The following MIER2 variants were observed in gnomAD, a reference collection of about 807,000 sequenced individuals.
MIER2 encodes the protein mesoderm induction early response protein 2.
In MIER2, 30 loss-of-function variants were observed where a neutral mutation model predicts 67.6. That is an observed-to-expected ratio of 0.44 (90% confidence interval 0.33 to 0.60). The LOEUF is 0.60. Ranked by LOEUF, MIER2 falls within the 20% of genes least tolerant of loss-of-function variation. MIER2 has a pLI of 0.02. For missense variants in MIER2, 702 were observed against 745.1 expected, an observed-to-expected ratio of 0.94 and a Z score of 0.67; for synonymous variants, 372 against 312.6, an observed-to-expected ratio of 1.19 and a Z score of -2.00.
Position 326,549 on chromosome 19 carries a change from G to A in MIER2, c.543C>T (p.Ser181=), listed in dbSNP as rs1045141437. 6.2e-6 allele frequency: 10 copies of A among 1,614,082 alleles called. No individual in the cohort carries two copies. The highest frequency in any genetic ancestry group is 1.6e-4 in the Middle Eastern group (1 of 6,062). ...CAGGAAGAGAGTCCTCCTCGGTGTC[G>A]GAGGAGGCAGAAGAGCCAGGCTCTC... ...EDREPGSSAS[S]DTEEDSLPAN... is the part of the protein sequence containing the mutation. Residue 181 remains serine (S), a synonymous_variant, in exon 6 of 14, where the codon TCC becomes TCT. Coordinates refer to ENST00000264819, the MANE Select transcript of MIER2 (RefSeq NM_017550.3).
intron 12 of MIER2, 90 bp from the exon 13 acceptor site, chr19:307,626 G>C: frequency 7.6e-7 from 1 of 1,323,638 alleles, no homozygotes; most frequent in Non-Finnish European, 9.9e-7. Context: ...GTCCAGCAAA[G>C]CCTGTGGATC....
chr19:336,054 C>G (rs755209159), intron 2 of MIER2, 29 bp downstream of exon 2: 9 of 1,605,984 alleles, frequency 5.6e-6, no homozygotes, highest in South Asian at 1.1e-5. Context: ...CTTGGCGGAC[C>G]TGAGCAGGGG....
intron 1 of MIER2, among the ~76,000 whole-genome samples, chr19:340,287 G>A (rs1021254791): frequency 1.6e-4 from 25 of 152,292 alleles, no homozygotes; most frequent in South Asian, 2.1e-4. Context: ...CTTGAACAAC[G>A]CAGGGGTTAC....
At chr19:311,451 G>A (rs1250154838) in intron 10 of MIER2, among the ~76,000 whole-genome samples, 1 of 152,190 alleles carries the variant, frequency 6.6e-6, no homozygotes, top group Non-Finnish European at 1.5e-5. Context: ...CCCTGGAGGA[G>A]GGAACCAGGA....
In MIER2 at chr19:334,166, A is replaced by C. The variant is rs537099256; in HGVS notation, c.243+234T>G. The C allele has an allele frequency of 2.1e-5, 11 of 512,456 alleles. No homozygotes were observed. In the African/African-American group the frequency reaches 2.2e-4, roughly 10 times the overall value. 31.7% of individuals were successfully genotyped at this position (512,456 alleles called of 1,614,324 possible). A position where few individuals can be genotyped will look rare whatever the true frequency, so the allele number is the denominator to read the frequency against. On this transcript the variant is annotated intron_variant, in intron 3 of 13. Transcript: ENST00000264819. ...TTTTAAGAGTACAAAGCAGGTTCTGAGACCAGAAGATTTGAGAGCAGCTGG... is the reference window on the plus strand; with the variant it reads ...TTTTAAGAGTACAAAGCAGGTTCTGCGACCAGAAGATTTGAGAGCAGCTGG...
intron 1 of MIER2, among the ~76,000 whole-genome samples, chr19:342,317 G>C (rs1307284711): frequency 6.6e-6 from 1 of 152,144 alleles, no homozygotes; most frequent in Non-Finnish European, 1.5e-5. Context: ...AAGTGGACAT[G>C]TATGGTACCG....
intron 7 of MIER2, among the ~76,000 whole-genome samples, chr19:320,496 T>C (rs932605250): frequency 4.6e-5 from 7 of 152,316 alleles, no homozygotes; most frequent in East Asian, 1.9e-4. Context: ...AAATGTGTCA[T>C]TGCAGGGGTT....
At chr19:344,631 G>A (rs1318509224) in intron 1 of MIER2, 143 bp downstream of exon 1, 23 of 439,988 alleles carry the variant, frequency 5.2e-5, no homozygotes, top group Non-Finnish European at 6.8e-5. Flanking sequence ...CTCCGGCCCC[G>A]GACGGGCCAG....
intron 1 of MIER2, among the ~76,000 whole-genome samples, chr19:339,091 A>AC (rs1972388176): frequency 6.6e-6 from 1 of 151,940 alleles, no homozygotes; most frequent in African/African-American, 2.4e-5. Context: ...AAAAAAAAAA[A>AC]AAAAACCAAA....
intron 6 of MIER2, 87 bp from the exon 7 acceptor site, chr19:325,791 C>A (rs915257611): frequency 1.2e-5 from 17 of 1,432,070 alleles, no homozygotes; most frequent in Non-Finnish European, 1.6e-5. Context: ...GGCAGGCTTA[C>A]GGGGAGGGGC....
At chr19:319,963 T>C (rs941709529) in intron 7 of MIER2, among the ~76,000 whole-genome samples, 9 of 152,192 alleles carry the variant, frequency 5.9e-5, no homozygotes, top group Non-Finnish European at 1.0e-4. Flanking sequence ...AATACGTATA[T>C]GTTGATTTTC....
At chr19:325,490 C>T in intron 7 of MIER2, 145 bp downstream of exon 7, 1 of 900,942 alleles carries the variant, frequency 1.1e-6, no homozygotes, top group Non-Finnish European at 1.8e-6. Context: ...ACGAGAGCCT[C>T]CCACCTCCTC....
intron 4 of MIER2, 97 bp from the exon 5 acceptor site, chr19:327,353 G>A (rs1971809220): frequency 7.1e-7 from 1 of 1,417,206 alleles, no homozygotes; most frequent in Non-Finnish European, 9.5e-7. Flanking sequence ...GGAGTGCCCT[G>A]AGGCTCACAT....
intron 10 of MIER2, among the ~76,000 whole-genome samples, chr19:310,515 G>A (rs1040609264): frequency 1.0e-3 from 54 of 54,146 alleles, no homozygotes; most frequent in African/African-American, 2.4e-3. Flanking sequence ...ACAAAAACGC[G>A]GCCCTGAGCT....
intron 7 of MIER2, among the ~76,000 whole-genome samples, chr19:321,364 G>A (rs1306499767): frequency 1.3e-5 from 2 of 152,198 alleles, no homozygotes; most frequent in East Asian, 3.8e-4. Flanking sequence ...CAATTTATGG[G>A]CCGGGCGCAG....
At chr19:334,293 G>T in intron 3 of MIER2, 107 bp downstream of exon 3, 1 of 1,483,812 alleles carries the variant, frequency 6.7e-7, no homozygotes, top group Non-Finnish European at 9.1e-7. Context: ...GCAAAAAGAT[G>T]TACAATTTAG....
In MIER2 at chr19:308,785, G is replaced by T; in HGVS notation, c.1109+16C>A. On this transcript the variant is annotated intron_variant, in intron 11 of 13. Coordinates refer to ENST00000264819, the MANE Select transcript of MIER2 (RefSeq NM_017550.3). This position sits in a 1 kb window ranked among gnomAD's most constrained non-coding sequence, Gnocchi z 9.1. ...GGTGGCCGCCTGTCGTTACTGCTGGGGAGGGCTGCACGCACGTGGTTCCGG... is the reference window on the plus strand; with the variant it reads ...GGTGGCCGCCTGTCGTTACTGCTGGTGAGGGCTGCACGCACGTGGTTCCGG... The T allele has an allele frequency of 6.3e-7, 1 of 1,597,738 alleles. No homozygotes were observed. Among genetic ancestry groups the T allele is most frequent in the South Asian group, 1.1e-5 (1 of 90,724 alleles).
intron 1 of MIER2, among the ~76,000 whole-genome samples, chr19:343,340 C>G (rs910261306): frequency 6.6e-6 from 1 of 152,244 alleles, no homozygotes; most frequent in East Asian, 1.9e-4. Flanking sequence ...TCGACCACCA[C>G]GTCGCTGCAG....
chr19:310,493 C>T (rs990532847), intron 10 of MIER2, among the ~76,000 whole-genome samples: 3 of 89,142 alleles, frequency 3.4e-5, no homozygotes, highest in Non-Finnish European at 4.2e-5. Flanking sequence ...TCCAGAAACA[C>T]GGCCGGGAGT....
Sources: gnomAD v4.1 joint callset for allele counts (sites outside exome capture counted in the v4.1 genomes callset) on GRCh38, gnomAD v4.1.1 for gene constraint, Gnocchi (gnomAD v3.1) non-coding constraint, MANE v1.5 for transcripts, NCBI Gene and HGNC (gene_info 2026-07-23, HGNC 2026-07-21) for gene names.